TNFSF4: variants seen among roughly 807,000 people sequenced by gnomAD.
TNFSF4 encodes the protein tumor necrosis factor ligand superfamily member 4.
TNFSF4 carries 4 observed loss-of-function variants against 7.3 expected under a neutral mutation model. The ratio of observed to expected loss-of-function variants is 0.55; its 90% CI spans 0.27 to 1.25. TNFSF4 has a LOEUF of 1.25. Among genes scored for constraint, TNFSF4 ranks in the 50% most tolerant of loss-of-function variants. The probability of loss-of-function intolerance (pLI) is 0.12; values close to 1 mark genes in which losing one functional copy is unlikely to be tolerated. For synonymous variants in TNFSF4, 76 were observed against 83.7 expected, an observed-to-expected ratio of 0.91 and a Z score of 0.50; for missense variants, 181 against 208.8, an observed-to-expected ratio of 0.87 and a Z score of 0.82.
At chr1:173,208,604 A>T (rs1346783254), upstream of TNFSF4, among the ~76,000 whole-genome samples, 4 of 152,236 alleles carry the variant, frequency 2.6e-5, no homozygotes, top group Non-Finnish European at 5.9e-5. Flanking sequence ...TATCTGAAAG[A>T]TAAGGTAACT....
At chr1:173,365,718 C>G in the TNFSF4 span, among the ~76,000 whole-genome samples, 4 of 152,096 alleles carry the variant, frequency 2.6e-5, no homozygotes, top group African/African-American at 9.7e-5. Flanking sequence ...ATCAAACAAG[C>G]TAAGAGTTGA....
At chr1:173,356,561 A>G in the TNFSF4 span, among the ~76,000 whole-genome samples, 6 of 152,182 alleles carry the variant, frequency 3.9e-5, no homozygotes, top group Non-Finnish European at 8.8e-5. Flanking sequence ...TCTTGTGCTC[A>G]ACTTAAGTCC....
chr1:173,442,527 T>G, the TNFSF4 span, among the ~76,000 whole-genome samples: 2 of 151,312 alleles, frequency 1.3e-5, no homozygotes, highest in East Asian at 3.9e-4. Flanking sequence ...GGTTTTCGGT[T>G]TTTGGTTTTT....
At chr1:173,273,949 T>A in the TNFSF4 span, among the ~76,000 whole-genome samples, 5 of 152,120 alleles carry the variant, frequency 3.3e-5, no homozygotes, top group African/African-American at 4.8e-5. Flanking sequence ...CTATAATATT[T>A]ATTATTTCTA....
At chr1:173,405,429 G>A in the TNFSF4 span, among the ~76,000 whole-genome samples, 3 of 152,146 alleles carry the variant, frequency 2.0e-5, no homozygotes, top group African/African-American at 7.2e-5. Context: ...ACATAAACAG[G>A]CAGCAGGCTG....
At chr1:173,193,603 A>G (rs1649573203) in intron 1 of TNFSF4, among the ~76,000 whole-genome samples, 2 of 152,300 alleles carry the variant, frequency 1.3e-5, no homozygotes, top group South Asian at 4.1e-4. Flanking sequence ...AAAAAATTCT[A>G]TGAAGATTTT....
the TNFSF4 span, among the ~76,000 whole-genome samples, chr1:173,255,422 A>G: frequency 6.6e-6 from 1 of 152,178 alleles, no homozygotes; most frequent in African/African-American, 2.4e-5. Context: ...CCTTCTCCCC[A>G]TCTCCTTTCT....
At chr1:173,387,376 A>T in the TNFSF4 span, among the ~76,000 whole-genome samples, 1 of 152,184 alleles carries the variant, frequency 6.6e-6, no homozygotes, top group African/African-American at 2.4e-5. Flanking sequence ...ACATGAGGAC[A>T]CAGCATTCAA....
At chr1:173,378,253 A>T in the TNFSF4 span, among the ~76,000 whole-genome samples, 1 of 150,834 alleles carries the variant, frequency 6.6e-6, no homozygotes, top group Non-Finnish European at 1.5e-5. Flanking sequence ...CTACTGCATC[A>T]GTGAGCACAA....
chr1:173,344,314 G>T, the TNFSF4 span, among the ~76,000 whole-genome samples: 1 of 152,204 alleles, frequency 6.6e-6, no homozygotes, highest in Non-Finnish European at 1.5e-5. Flanking sequence ...ATGGGGGAAA[G>T]TGTAAGAGCT....
the TNFSF4 span, among the ~76,000 whole-genome samples, chr1:173,383,352 CA>C: frequency 8.5e-5 from 13 of 152,156 alleles, no homozygotes; most frequent in Non-Finnish European, 1.5e-5. Context: ...GTAGACCAAC[CA>C]AATTTTGTGA....
At chr1:173,308,283 C>CTGTGTG in the TNFSF4 span, among the ~76,000 whole-genome samples, 4 of 132,508 alleles carry the variant, frequency 3.0e-5, no homozygotes, top group Non-Finnish European at 6.6e-5. Flanking sequence ...CTCTCTCTCT[C>CTGTGTG]TCTGTGTGTG....
the TNFSF4 span, among the ~76,000 whole-genome samples, chr1:173,340,041 C>A: frequency 2.0e-5 from 3 of 152,060 alleles, no homozygotes; most frequent in Middle Eastern, 3.4e-3. Context: ...GTGAGTGGGC[C>A]CCACTCTAAC....
chr1:173,340,432 T>C, the TNFSF4 span, among the ~76,000 whole-genome samples: 2 of 151,680 alleles, frequency 1.3e-5, no homozygotes, highest in East Asian at 3.9e-4. Context: ...AGAAATTGTA[T>C]AGCAGGAGCA....
the TNFSF4 span, among the ~76,000 whole-genome samples, chr1:173,220,063 A>G: frequency 9.2e-5 from 14 of 152,024 alleles, no homozygotes; most frequent in Admixed American, 5.9e-4. Flanking sequence ...AAAAATTGTA[A>G]AGACTAAAAA....
the TNFSF4 span, among the ~76,000 whole-genome samples, chr1:173,237,381 C>G: frequency 6.6e-6 from 1 of 152,012 alleles, no homozygotes; most frequent in Non-Finnish European, 1.5e-5. Context: ...AAGGAACATA[C>G]TTTAAAATAA....
chr1:173,367,789 A>G, the TNFSF4 span, among the ~76,000 whole-genome samples: 19 of 152,234 alleles, frequency 1.2e-4, no homozygotes, highest in South Asian at 4.2e-4. Context: ...AAATTCCCCA[A>G]TGGAATAAAA....
chr1:173,272,710 G>T, the TNFSF4 span, among the ~76,000 whole-genome samples: 2 of 152,118 alleles, frequency 1.3e-5, no homozygotes, highest in African/African-American at 4.8e-5. Context: ...AATACCCTGA[G>T]TGTTCCCCAA....
At chr1:173,295,740 GCTAT>G in the TNFSF4 span, among the ~76,000 whole-genome samples, 8 of 151,932 alleles carry the variant, frequency 5.3e-5, no homozygotes, top group Admixed American at 2.6e-4. Context: ...CTTAAAATGA[GCTAT>G]CTATTTGTAA....
Sources: allele counts gnomAD v4.1 joint callset (sites outside exome capture counted in the v4.1 genomes callset), GRCh38; gene constraint gnomAD v4.1.1; transcripts MANE v1.5; gene names NCBI Gene and HGNC (gene_info 2026-07-23, HGNC 2026-07-21).